Variants in FKBP5 observed in about 807,000 individuals in gnomAD.
FKBP5 encodes the protein FKBP prolyl isomerase 5, also known as peptidyl-prolyl cis-trans isomerase FKBP5.
FKBP5 carries 23 observed loss-of-function variants against 50.5 expected under a neutral mutation model. That is an observed-to-expected ratio of 0.46 (90% CI 0.33 to 0.65). FKBP5 has a LOEUF of 0.65. Ranked by LOEUF, FKBP5 falls within the 30% of genes least tolerant of loss-of-function variation. The pLI, the probability that FKBP5 is intolerant of heterozygous loss-of-function variation, is 0.02. For synonymous variants in FKBP5, 176 were observed against 190.6 expected (o/e 0.92, Z 0.63); for missense variants, 411 against 553.1 (o/e 0.74, Z 2.58).
chr6:35,580,933 A>G (rs1221640983), intron 8 of FKBP5: 49 of 985,258 alleles, frequency 5.0e-5, no homozygotes, highest in Non-Finnish European at 5.7e-5. Flanking sequence ...AGCACTTCAC[A>G]GCAAATATTA....
chr6:35,691,140 G>A (rs1215065721), upstream of FKBP5, among the ~76,000 whole-genome samples: 5 of 152,182 alleles, frequency 3.3e-5, no homozygotes, highest in Admixed American at 3.3e-4. Flanking sequence ...CACGTAACAT[G>A]TCAGTTCTCC....
chr6:35,652,962 G>C (rs1764851494), intron 1 of FKBP5, among the ~76,000 whole-genome samples: 1 of 152,114 alleles, frequency 6.6e-6, no homozygotes, highest in Non-Finnish European at 1.5e-5. Context: ...CTGACGCTTA[G>C]GAAAATAGAA....
At chr6:35,673,153 C>CT (rs1385471234) in intron 1 of FKBP5, among the ~76,000 whole-genome samples, 1 of 152,134 alleles carries the variant, frequency 6.6e-6, no homozygotes, top group Non-Finnish European at 1.5e-5. Context: ...AAGCTTAGGG[C>CT]TTTATACCTT....
At chr6:35,686,082 T>C (rs1397483661) in intron 1 of FKBP5, among the ~76,000 whole-genome samples, 1 of 151,886 alleles carries the variant, frequency 6.6e-6, no homozygotes, top group African/African-American at 2.4e-5. Context: ...TTGTTTTCTG[T>C]AGCTTCATTT....
chr6:35,675,038 C>G (rs1224934573), intron 1 of FKBP5, among the ~76,000 whole-genome samples: 4 of 152,226 alleles, frequency 2.6e-5, no homozygotes. Context: ...TGAAACTACA[C>G]TAGTATTTAA....
chr6:35,579,682 G>C (rs1350081483), intron 9 of FKBP5, among the ~76,000 whole-genome samples: 1 of 152,128 alleles, frequency 6.6e-6, no homozygotes. Context: ...GTCCAGAAAA[G>C]CTTAAGTTAA....
chr6:35,605,649 C>T lies in FKBP5; in HGVS notation c.509-8245G>A, dbSNP rs1275450838. On this transcript the variant is annotated intron_variant, in intron 5 of 10. Coordinates refer to ENST00000357266, the MANE Select transcript of FKBP5 (RefSeq NM_004117.4). ...CTAGGCTCATGCAATCCTCCTGCCT[C>T]GGCCTTCCAAAGTCTTGGGATTACA... Among the ~76,000 whole-genome samples, 4 of 152,128 alleles carry T rather than the reference C, an allele frequency of 2.6e-5. 1 individual carries two copies. The highest frequency in any genetic ancestry group is 4.1e-4 in the South Asian group (2 of 4,826).
intron 1 of FKBP5, among the ~76,000 whole-genome samples, chr6:35,655,793 A>G (rs1416987125): frequency 1.3e-5 from 2 of 152,266 alleles, no homozygotes; most frequent in Non-Finnish European, 2.9e-5. Flanking sequence ...GTTTAACTAT[A>G]AAAGTAAAAA....
chr6:35,654,374 T>C (rs1428521626), intron 1 of FKBP5, among the ~76,000 whole-genome samples: 1 of 152,214 alleles, frequency 6.6e-6, no homozygotes. Flanking sequence ...CCTGCAGTAC[T>C]TTTGGCAGCA....
At chr6:35,672,750 C>G (rs1326761258) in intron 1 of FKBP5, among the ~76,000 whole-genome samples, 1 of 131,420 alleles carries the variant, frequency 7.6e-6, no homozygotes, top group African/African-American at 2.8e-5. Flanking sequence ...ACGGTGAAAA[C>G]TTGTCTCTAC....
intron 2 of FKBP5, among the ~76,000 whole-genome samples, chr6:35,700,305 C>A (rs191651808): frequency 5.7e-4 from 87 of 152,236 alleles, no homozygotes; most frequent in Middle Eastern, 3.4e-3. Context: ...GGACTACAAG[C>A]ATGTGCCACC....
At chr6:35,712,164 G>A (rs1766427956) in intron 2 of FKBP5, among the ~76,000 whole-genome samples, 1 of 151,864 alleles carries the variant, frequency 6.6e-6, no homozygotes. Flanking sequence ...ATAGGCATGA[G>A]CCACACCTGG....
chr6:35,642,902 T>C, intron 1 of FKBP5, 59 bp from the exon 2 acceptor site: 1 of 1,314,724 alleles, frequency 7.6e-7, no homozygotes, highest in Non-Finnish European at 1.1e-6. Flanking sequence ...GAATCTTGAA[T>C]GTCCCTGGGA....
intron 1 of FKBP5, among the ~76,000 whole-genome samples, chr6:35,674,806 A>C (rs1239084865): frequency 6.6e-6 from 1 of 152,214 alleles, no homozygotes; most frequent in Non-Finnish European, 1.5e-5. Flanking sequence ...CAAAGCTGAG[A>C]TCAAGTTCTG....
At chr6:35,728,307 C>T (rs1766766048) in intron 1 of FKBP5, among the ~76,000 whole-genome samples, 1 of 151,898 alleles carries the variant, frequency 6.6e-6, no homozygotes, top group Non-Finnish European at 1.5e-5. Flanking sequence ...TGCTCGCGCC[C>T]CAGCCTGCCG....
chr6:35,670,627 G>A (rs1486130670), intron 1 of FKBP5, among the ~76,000 whole-genome samples: 1 of 151,842 alleles, frequency 6.6e-6, no homozygotes, highest in African/African-American at 2.4e-5. Flanking sequence ...AGCTACTCGG[G>A]AGGCTGAGGC....
intron 2 of FKBP5, among the ~76,000 whole-genome samples, chr6:35,642,203 C>T (rs1045945764): frequency 6.6e-6 from 1 of 151,960 alleles, no homozygotes; most frequent in Non-Finnish European, 1.5e-5. Flanking sequence ...TAACTTGGAC[C>T]TGAACCCCAG....
chr6:35,705,000 G>A (rs1459295114), intron 2 of FKBP5, among the ~76,000 whole-genome samples: 3 of 150,832 alleles, frequency 2.0e-5, no homozygotes, highest in Non-Finnish European at 4.4e-5. Context: ...AATTAGCCGG[G>A]CGTGGTGGCA....
chr6:35,645,958 A>C (rs1200420405), intron 1 of FKBP5, among the ~76,000 whole-genome samples: 1 of 152,182 alleles, frequency 6.6e-6, no homozygotes, highest in Non-Finnish European at 1.5e-5. Context: ...TCTACTAAAA[A>C]TACAAAAATT....
Sources: gnomAD v4.1 joint callset for allele counts (sites outside exome capture counted in the v4.1 genomes callset) on GRCh38, gnomAD v4.1.1 for gene constraint, MANE v1.5 for transcripts, NCBI Gene and HGNC (gene_info 2026-07-23, HGNC 2026-07-21) for gene names.